Variants in LRMDA observed in about 807,000 individuals in gnomAD.
The protein encoded by LRMDA is leucine-rich melanocyte differentiation-associated protein.
A neutral mutation model predicts 29.8 loss-of-function variants in LRMDA; 18 were observed. The ratio of observed to expected loss-of-function variants is 0.60; its 90% CI spans 0.42 to 0.90. The LOEUF (loss-of-function observed/expected upper bound fraction) is 0.90. Ranked by LOEUF, LRMDA falls within the 40% of genes least tolerant of loss-of-function variation. LRMDA has a pLI of 0.00. For synonymous variants in LRMDA, 125 were observed against 109.4 expected, an observed-to-expected ratio of 1.14 and a Z score of -0.89; for missense variants, 273 against 273.9, an observed-to-expected ratio of 1.00 and a Z score of 0.02.
intron 2 of LRMDA, among the ~76,000 whole-genome samples, chr10:75,443,317 G>A (rs939040015): frequency 9.2e-5 from 14 of 152,228 alleles, no homozygotes; most frequent in Middle Eastern, 3.4e-3. Flanking sequence ...TCTGTTGAGT[G>A]TGATGTTAGC....
At chr10:75,566,563 C>T (rs984931638) in intron 2 of LRMDA, among the ~76,000 whole-genome samples, 11 of 152,266 alleles carry the variant, frequency 7.2e-5, no homozygotes, top group African/African-American at 2.4e-4. Context: ...GGCAATTTCT[C>T]TCTTTGCCTT....
intron 2 of LRMDA, among the ~76,000 whole-genome samples, chr10:75,825,320 A>ACACAGGG (rs1379614759): frequency 6.6e-6 from 1 of 152,200 alleles, no homozygotes; most frequent in East Asian, 1.9e-4. Flanking sequence ...ATTCCTGCCA[A>ACACAGGG]CACAGGGCAA....
chr10:76,404,827 GC>G (rs1307268327), intron 6 of LRMDA, among the ~76,000 whole-genome samples: 1 of 152,138 alleles, frequency 6.6e-6, no homozygotes, highest in African/African-American at 2.4e-5. Flanking sequence ...ATGTGGGTGG[GC>G]CCGGTATGAA....
intron 2 of LRMDA, among the ~76,000 whole-genome samples, chr10:75,474,855 A>G (rs887874114): frequency 9.2e-5 from 14 of 151,756 alleles, no homozygotes; most frequent in African/African-American, 3.2e-4. Context: ...GACCCTGAAG[A>G]CCCCTGCTAG....
chr10:75,538,804 T>G (rs923638108), intron 2 of LRMDA, among the ~76,000 whole-genome samples: 1 of 152,208 alleles, frequency 6.6e-6, no homozygotes, highest in Non-Finnish European at 1.5e-5. Flanking sequence ...ACCCCCAAGG[T>G]GAAAGGCTAA....
chr10:76,045,193 CTTGCT>C, intron 3 of LRMDA, among the ~76,000 whole-genome samples: 1 of 149,882 alleles, frequency 6.7e-6, no homozygotes, highest in Non-Finnish European at 1.5e-5. Flanking sequence ...GTTTCCCTCT[CTTGCT>C]AGTTTCGCCC....
At chr10:75,572,057 G>A (rs371060395) in intron 2 of LRMDA, among the ~76,000 whole-genome samples, 9 of 152,206 alleles carry the variant, frequency 5.9e-5, no homozygotes, top group East Asian at 1.9e-4. Context: ...GGGTTCAAGC[G>A]ATTCTCTTGC....
chr10:76,461,230 C>T (rs533788862), intron 6 of LRMDA, among the ~76,000 whole-genome samples: 5 of 152,208 alleles, frequency 3.3e-5, no homozygotes, highest in South Asian at 2.1e-4. Flanking sequence ...ATCCTGACCT[C>T]GCCATGCATG....
chr10:75,951,350 T>G (rs1309805881), intron 2 of LRMDA, among the ~76,000 whole-genome samples: 1 of 152,190 alleles, frequency 6.6e-6, no homozygotes, highest in Admixed American at 6.5e-5. Context: ...GCTGAGCCAC[T>G]GCAGTCAGAG....
chr10:76,292,745 C>A (rs76263773), intron 5 of LRMDA, among the ~76,000 whole-genome samples: 4,565 of 151,798 alleles, frequency 0.03, 84 homozygotes, highest in Middle Eastern at 0.065. Context: ...GTTACACAGG[C>A]CTGCTTTGAC....
At chr10:76,057,820 A>C (rs1222797833) in intron 4 of LRMDA, among the ~76,000 whole-genome samples, 1 of 152,186 alleles carries the variant, frequency 6.6e-6, no homozygotes, top group East Asian at 1.9e-4. Flanking sequence ...TTGGTTAGTG[A>C]TTGTCCCTGA....
chr10:76,518,797 G>T (rs193221893), intron 6 of LRMDA, among the ~76,000 whole-genome samples: 1 of 152,158 alleles, frequency 6.6e-6, no homozygotes, highest in Admixed American at 6.5e-5. Flanking sequence ...AACAAAAAAA[G>T]ATATAAGAGA....
At chr10:76,321,065 A>T (rs913369919) in intron 5 of LRMDA, among the ~76,000 whole-genome samples, 2 of 152,200 alleles carry the variant, frequency 1.3e-5, no homozygotes, top group East Asian at 3.8e-4. Context: ...CTGATATACA[A>T]CATTATTTTT....
chr10:75,509,830 C>T (rs1394479991), intron 2 of LRMDA, among the ~76,000 whole-genome samples: 1 of 152,158 alleles, frequency 6.6e-6, no homozygotes, highest in African/African-American at 2.4e-5. Context: ...ACCTTATCTC[C>T]CGGTGTGTGG....
intron 6 of LRMDA, among the ~76,000 whole-genome samples, chr10:76,381,146 C>T (rs1047913053): frequency 1.3e-5 from 2 of 151,010 alleles, no homozygotes; most frequent in African/African-American, 2.4e-5. Flanking sequence ...CATTAATTGC[C>T]TCTTACCTGG....
intron 2 of LRMDA, among the ~76,000 whole-genome samples, chr10:75,537,985 G>A (rs1351515547): frequency 6.6e-6 from 1 of 152,126 alleles, no homozygotes; most frequent in Non-Finnish European, 1.5e-5. Flanking sequence ...ACTGAGGTAT[G>A]CTCTTCTCTC....
intron 5 of LRMDA, among the ~76,000 whole-genome samples, chr10:76,178,481 C>A (rs1000691627): frequency 6.6e-6 from 1 of 152,092 alleles, no homozygotes; most frequent in African/African-American, 2.4e-5. Context: ...GAAAAGTGGG[C>A]ACGGGGAAGA....
intron 2 of LRMDA, among the ~76,000 whole-genome samples, chr10:75,489,091 C>T (rs1844951954): frequency 6.6e-6 from 1 of 152,096 alleles, no homozygotes; most frequent in African/African-American, 2.4e-5. Flanking sequence ...CTTGTTATTT[C>T]ATGTGCCTTG....
chr10:75,839,694 G>A (rs1470452770), intron 2 of LRMDA, among the ~76,000 whole-genome samples: 4 of 139,594 alleles, frequency 2.9e-5, no homozygotes, highest in Non-Finnish European at 6.1e-5. Flanking sequence ...GGATGCATCC[G>A]ACTTTCTTTT....
Sources: gnomAD v4.1 joint callset for allele counts (sites outside exome capture counted in the v4.1 genomes callset) on GRCh38, gnomAD v4.1.1 for gene constraint, MANE v1.5 for transcripts, NCBI Gene and HGNC (gene_info 2026-07-23, HGNC 2026-07-21) for gene names.